SV2B: variants seen among roughly 807,000 people sequenced by gnomAD.
SV2B encodes the protein solute carrier family 22 member B2.
A neutral mutation model predicts 73.9 loss-of-function variants in SV2B; 41 were observed. That is an observed-to-expected ratio of 0.56 (90% CI 0.43 to 0.72). SV2B has a LOEUF of 0.72. Ranked by LOEUF, SV2B falls within the 30% of genes least tolerant of loss-of-function variation. The probability of loss-of-function intolerance (pLI) is 0.00; values close to 1 mark genes in which losing one functional copy is unlikely to be tolerated. For missense variants in SV2B, 764 were observed against 857.8 expected (o/e 0.89, Z 1.37); for synonymous variants, 314 against 314.2 (o/e 1.00, Z 0.01).
chr15:91,175,943 G>T (rs966620533), intron 1 of SV2B, among the ~76,000 whole-genome samples: 1 of 151,470 alleles, frequency 6.6e-6, no homozygotes, highest in Non-Finnish European at 1.5e-5. Flanking sequence ...CAATATGCAG[G>T]TTAGTTACAT....
Position 91,281,592 on chromosome 15 carries a change from T to C in SV2B, c.1374-136T>C. 1 of 963,528 alleles carries C rather than the reference T, an allele frequency of 1.0e-6. No homozygotes were observed. Among genetic ancestry groups the C allele is most frequent in the Non-Finnish European group, 1.5e-6 (1 of 672,296 alleles). 59.7% of individuals were successfully genotyped at this position (963,528 alleles called of 1,614,324 possible). On this transcript the variant is annotated intron_variant, in intron 9 of 12. Transcript: ENST00000394232. The surrounding 1 kb of genome is among the most constrained non-coding windows in gnomAD (Gnocchi z 4.7). ...AACAAACAGCTAAGAAGTGGGGAAG[T>C]GGTCTGGGTTGAAAATAATGCTCTG... is the stretch of plus-strand genomic sequence containing the variant.
chr15:91,218,216 G>T (rs1292634656), intron 1 of SV2B, among the ~76,000 whole-genome samples: 1 of 152,156 alleles, frequency 6.6e-6, no homozygotes, highest in Non-Finnish European at 1.5e-5. Context: ...GGACAAAAGG[G>T]CATGGTCTCA....
intron 1 of SV2B, among the ~76,000 whole-genome samples, chr15:91,150,507 G>A (rs2043282047): frequency 6.6e-6 from 1 of 152,154 alleles, no homozygotes; most frequent in Non-Finnish European, 1.5e-5. Context: ...ATAAAACTTG[G>A]CTCTCTTTTG....
chr15:91,217,626 A>G (rs370862036), intron 1 of SV2B, among the ~76,000 whole-genome samples: 5 of 152,374 alleles, frequency 3.3e-5, no homozygotes, highest in African/African-American at 9.6e-5. Context: ...CAGCTTGTAA[A>G]TGTTGCTCTT....
chr15:91,266,715 G>T (rs1248329271), intron 7 of SV2B, 23 bp downstream of exon 7: 7 of 1,576,394 alleles, frequency 4.4e-6, no homozygotes, highest in Non-Finnish European at 6.1e-6. Flanking sequence ...ACTTACTTTG[G>T]ATGAGGATGC....
At chr15:91,195,166 G>A (rs1229098449) in intron 1 of SV2B, among the ~76,000 whole-genome samples, 1 of 151,026 alleles carries the variant, frequency 6.6e-6, no homozygotes, top group Non-Finnish European at 1.5e-5. Flanking sequence ...GTAAACTATT[G>A]TTTTTTTTTG....
chr15:91,270,229 G>T (rs576274370), intron 9 of SV2B, among the ~76,000 whole-genome samples: 1 of 152,264 alleles, frequency 6.6e-6, no homozygotes, highest in East Asian at 1.9e-4. Context: ...TTTGATACAA[G>T]TAATACTAAT....
At position 91,223,776 on chromosome 15, in the gene SV2B, G is replaced by T. The variant is rs530236152; in HGVS notation, c.-391-2097G>T. Among the ~76,000 whole-genome samples, 19 of 152,336 alleles carry T rather than the reference G, an allele frequency of 1.2e-4. No homozygotes were observed. Among genetic ancestry groups the T allele is most frequent in the Non-Finnish European group, 2.4e-4 (16 of 68,030 alleles). The stretch of plus-strand genomic sequence containing the variant: ...TAATAGAAATTTATTTACTGGAGAT[G>T]GTGAAAAATCGGAAAGAGTAGAGTG... On this transcript the variant is annotated intron_variant, in intron 1 of 12. Transcript: ENST00000394232. The surrounding 1 kb of genome is among the most constrained non-coding windows in gnomAD (Gnocchi z 4.6).
At position 91,227,654 on chromosome 15, in the gene SV2B, T is replaced by C. The variant is rs1440819047; in HGVS notation, c.451+940T>C. 6.6e-6 allele frequency among the ~76,000 whole-genome samples: 1 copy of C among 152,222 alleles called. No individual in the cohort carries two copies. The highest frequency in any genetic ancestry group is 1.5e-5 in the Non-Finnish European group (1 of 68,032). ...CAATTCAGCTCCTTCATTCAACAAA[T>C]ATCTTTTATTGGTTTACCTTATGCT... On this transcript the variant is annotated intron_variant, in intron 2 of 12. Coordinates refer to ENST00000394232, the MANE Select transcript of SV2B (RefSeq NM_001323032.3). The surrounding 1 kb of genome is among the most constrained non-coding windows in gnomAD (Gnocchi z 4.5).
rs62026604 is a variant in SV2B at position 91,268,993 on chromosome 15, C to T, written c.1373+388C>T. Among the ~76,000 whole-genome samples, 11,062 of 152,114 alleles carry T rather than the reference C, an allele frequency of 0.073. 444 individuals carry two copies. The highest frequency in any genetic ancestry group is 0.091 in the Non-Finnish European group (6,176 of 67,984). On this transcript the variant is annotated intron_variant, in intron 9 of 12. Transcript: ENST00000394232. The surrounding 1 kb of genome is among the most constrained non-coding windows in gnomAD (Gnocchi z 4.4). ...CTGGGTGTTGAGCTTTTACTTTGAC[C>T]CTAGAAGCTTTTCCATGCCAGGACA... is the stretch of plus-strand genomic sequence containing the variant.
At chr15:91,237,017 C>T (rs984772006) in intron 2 of SV2B, among the ~76,000 whole-genome samples, 5 of 151,802 alleles carry the variant, frequency 3.3e-5, no homozygotes, top group African/African-American at 1.2e-4. Flanking sequence ...TGTGACTTTG[C>T]CTCAGAAGTC....
rs1367277883 is a variant in SV2B at position 91,252,999 on chromosome 15, C to T, written c.784+479C>T. Reference sequence around the variant, plus strand: ...TCCCCTCAGGTGCAGTAGGCTTGTACTCTTTCTGCCCTGGTGCCTGCTGTC... The same window carrying T: ...TCCCCTCAGGTGCAGTAGGCTTGTATTCTTTCTGCCCTGGTGCCTGCTGTC... On this transcript the variant is annotated intron_variant, in intron 4 of 12. Transcript: ENST00000394232. The surrounding 1 kb of genome is among the most constrained non-coding windows in gnomAD (Gnocchi z 4.6). Among the ~76,000 whole-genome samples the T allele has an allele frequency of 6.6e-6, 1 of 152,140 alleles. No individual in the cohort carries two copies. The highest frequency in any genetic ancestry group is 1.5e-5 in the Non-Finnish European group (1 of 68,020).
At chr15:91,243,785 C>T (rs1236797783) in intron 2 of SV2B, among the ~76,000 whole-genome samples, 1 of 152,172 alleles carries the variant, frequency 6.6e-6, no homozygotes, top group South Asian at 2.1e-4. Flanking sequence ...AAATCCAATG[C>T]TGCTGAAGCA....
Position 91,292,519 on chromosome 15 carries a change from A to T in SV2B, c.2019A>T (p.Arg673=). The T allele has an allele frequency of 6.2e-7, 1 of 1,613,990 alleles. No homozygotes were observed. The highest frequency in any genetic ancestry group is 8.5e-7 in the Non-Finnish European group (1 of 1,179,982). Residue 673 remains arginine (R), a synonymous_variant, in exon 13 of 13, where the codon CGA becomes CGT. Transcript: ENST00000394232. ...TTGGGGGTGGCCTGATTGCCCTTCG[A>T]CTGCCAGAGACTCGAGAACAGGTCC... ...SLVGGGLIAL[R]LPETREQVLM
chr15:91,289,444 G>A lies in SV2B; in HGVS notation c.1709-77G>A. 1.9e-6 allele frequency: 3 copies of A among 1,590,138 alleles called. No homozygotes were observed. The highest frequency in any genetic ancestry group is 2.6e-6 in the Non-Finnish European group (3 of 1,160,220). ...GGTGTACCAGTGAGGGTGGGAGATG[G>A]GGCAAGAACTGTGAGTGACAGCCAT... On this transcript the variant is annotated intron_variant, in intron 11 of 12. Transcript: ENST00000394232. The surrounding 1 kb of genome is among the most constrained non-coding windows in gnomAD (Gnocchi z 4.9).
At chr15:91,249,875 A>G (rs2141604065) in intron 2 of SV2B, among the ~76,000 whole-genome samples, 1 of 152,224 alleles carries the variant, frequency 6.6e-6, no homozygotes, top group South Asian at 2.1e-4. Flanking sequence ...GTAACCAAAA[A>G]CCTCTCGACG....
At chr15:91,287,678 C>T (rs1270562024) in intron 11 of SV2B, among the ~76,000 whole-genome samples, 5 of 152,128 alleles carry the variant, frequency 3.3e-5, no homozygotes, top group Admixed American at 6.5e-5. Flanking sequence ...GGGAGCCCTG[C>T]GAGGCTAACC....
intron 1 of SV2B, among the ~76,000 whole-genome samples, chr15:91,104,914 G>A (rs1285240356): frequency 6.6e-6 from 1 of 152,180 alleles, no homozygotes; most frequent in African/African-American, 2.4e-5. Flanking sequence ...TTACAGGCGT[G>A]AGCCACCGCG....
intron 9 of SV2B, among the ~76,000 whole-genome samples, chr15:91,276,467 C>G (rs560844070): frequency 1.3e-5 from 2 of 152,076 alleles, no homozygotes; most frequent in Non-Finnish European, 2.9e-5. Flanking sequence ...TTGATATTTT[C>G]CCATAGCTCT....
Sources: allele counts gnomAD v4.1 joint callset (sites outside exome capture counted in the v4.1 genomes callset), GRCh38; gene constraint gnomAD v4.1.1; non-coding constraint Gnocchi (gnomAD v3.1); transcripts MANE v1.5; gene names NCBI Gene and HGNC (gene_info 2026-07-23, HGNC 2026-07-21).